RFX3: variants seen among roughly 807,000 people sequenced by gnomAD.
The protein encoded by RFX3 is regulatory factor X3.
RFX3 carries 14 observed loss-of-function variants against 98.6 expected under a neutral mutation model. The observed-to-expected ratio is 0.14, with a 90% confidence interval of 0.09 to 0.22. The LOEUF (loss-of-function observed/expected upper bound fraction) is 0.22. Ranked by LOEUF, RFX3 falls within the 10% of genes least tolerant of loss-of-function variation. The probability of loss-of-function intolerance (pLI) is 1.00; values close to 1 mark genes in which losing one functional copy is unlikely to be tolerated. For missense variants in RFX3, 639 were observed against 926.9 expected (o/e 0.69, Z 4.03); for synonymous variants, 383 against 328.4 (o/e 1.17, Z -1.80).
chr9:3,231,205 G>C (rs1207936798), intron 15 of RFX3, among the ~76,000 whole-genome samples: 1 of 152,112 alleles, frequency 6.6e-6, no homozygotes, highest in South Asian at 2.1e-4. Context: ...AGTTTCACAT[G>C]TACAGCAAAT....
At chr9:3,460,374 T>C (rs1847577270) in intron 1 of RFX3, among the ~76,000 whole-genome samples, 1 of 152,010 alleles carries the variant, frequency 6.6e-6, no homozygotes, top group Non-Finnish European at 1.5e-5. Flanking sequence ...CCTCAATCTA[T>C]GCATGGATGA....
chr9:3,406,218 C>T (rs1020594142), intron 1 of RFX3, among the ~76,000 whole-genome samples: 1 of 151,956 alleles, frequency 6.6e-6, no homozygotes, highest in Non-Finnish European at 1.5e-5. Flanking sequence ...CTGCCTCAGC[C>T]TCCCAAAATC....
intron 2 of RFX3, among the ~76,000 whole-genome samples, chr9:3,378,338 T>C (rs1332432854): frequency 6.6e-6 from 1 of 152,166 alleles, no homozygotes. Flanking sequence ...CTTGTCAATA[T>C]TATGAAGTTA....
chr9:3,427,616 A>G (rs1844239556), intron 1 of RFX3, among the ~76,000 whole-genome samples: 1 of 151,470 alleles, frequency 6.6e-6, no homozygotes, highest in African/African-American at 2.4e-5. Flanking sequence ...AACACCCTGA[A>G]TTTGTTTATG....
Position 3,249,820 on chromosome 9 carries a change from A to G in RFX3, c.1815-1635T>C, listed in dbSNP as rs148923356. The stretch of plus-strand genomic sequence containing the variant: ...ATGTGAAATCTTAAGAAAACTGCCA[A>G]TGTAACTATACTGTTACCTACATTA... On this transcript the variant is annotated intron_variant, in intron 14 of 16. Transcript: ENST00000617270. Among the ~76,000 whole-genome samples the G allele has an allele frequency of 1.6e-4, 25 of 152,198 alleles. No homozygotes were observed. The East Asian group carries it at 3.5e-3, about 21-fold the overall frequency.
chr9:3,337,170 G>A (rs904537042), intron 3 of RFX3, among the ~76,000 whole-genome samples: 2 of 152,088 alleles, frequency 1.3e-5, no homozygotes, highest in African/African-American at 2.4e-5. Flanking sequence ...ATGAGAAAAC[G>A]GAGTTGCAAT....
chr9:3,243,244 T>C (rs1299186131), intron 15 of RFX3, among the ~76,000 whole-genome samples: 1 of 151,508 alleles, frequency 6.6e-6, no homozygotes, highest in Non-Finnish European at 1.5e-5. Context: ...AGAAAGCTTG[T>C]GGACAAATTT....
rs979458691 is a variant in RFX3, at chr9:3,525,801, GGGAGGAGGAGGAGGAAGA to G, written c.-81_-64del. 2.0e-5 allele frequency: 13 copies of G among 651,178 alleles called. No homozygotes were observed. The highest frequency in any genetic ancestry group is 2.5e-5 in the Non-Finnish European group (13 of 524,126). The allele number at this position is 651,178 out of a possible 1,614,324, so 40.3% of individuals were successfully genotyped here. On this transcript the variant is annotated 5_prime_UTR_variant, in exon 1 of 17. Coordinates refer to ENST00000617270, the MANE Select transcript of RFX3 (RefSeq NM_001282116.2). The stretch of plus-strand genomic sequence containing the variant: ...GTGGGTGATGGAGATGGTGGTGGTG[GGGAGGAGGAGGAGGAAGA>G]GGAGGAGGAGGAGGAGAGGAGTAGT...
At chr9:3,261,266 A>T (rs1408961617) in intron 13 of RFX3, among the ~76,000 whole-genome samples, 2 of 152,088 alleles carry the variant, frequency 1.3e-5, no homozygotes, top group African/African-American at 4.8e-5. Flanking sequence ...TTTTCCTAAA[A>T]ATAAACCCCA....
intron 4 of RFX3, among the ~76,000 whole-genome samples, chr9:3,301,826 C>T (rs371934045): frequency 2.0e-5 from 3 of 151,814 alleles, no homozygotes; most frequent in Non-Finnish European, 4.4e-5. Flanking sequence ...AGCCCATTCA[C>T]AAAGTAAACC....
At chr9:3,442,351 C>A (rs1363620641) in intron 1 of RFX3, among the ~76,000 whole-genome samples, 1 of 151,658 alleles carries the variant, frequency 6.6e-6, no homozygotes, top group Non-Finnish European at 1.5e-5. Flanking sequence ...AAAATCAGAA[C>A]CCCTGTGTAA....
At chr9:3,353,805 T>C (rs1009965352) in intron 2 of RFX3, among the ~76,000 whole-genome samples, 1 of 151,896 alleles carries the variant, frequency 6.6e-6, no homozygotes, top group East Asian at 1.9e-4. Context: ...ATTAGACATA[T>C]AAAGAAGCAG....
At chr9:3,488,803 T>C (rs955108740) in intron 1 of RFX3, 1 of 985,220 alleles carries the variant, frequency 1.0e-6, no homozygotes, top group African/African-American at 1.7e-5. Flanking sequence ...AAATGGAGGT[T>C]ACAGCTTCAG....
Position 3,343,369 on chromosome 9 carries a change from G to A in RFX3, c.215+3298C>T, listed in dbSNP as rs149258069. On this transcript the variant is annotated intron_variant, in intron 3 of 16. Coordinates refer to ENST00000617270, the MANE Select transcript of RFX3 (RefSeq NM_001282116.2). The stretch of plus-strand genomic sequence containing the variant: ...ATCACACAGAAGTGGGACTCCGACT[G>A]TGATCCAAGTCAGGGATCAAACACT... Among the ~76,000 whole-genome samples the A allele has an allele frequency of 9.1e-3, 1,390 of 152,278 alleles. 10 individuals carry two copies. The highest frequency in any genetic ancestry group is 0.011 in the Non-Finnish European group (775 of 68,016).
At chr9:3,438,329 G>A (rs1211245419) in intron 1 of RFX3, among the ~76,000 whole-genome samples, 1 of 152,106 alleles carries the variant, frequency 6.6e-6, no homozygotes, top group East Asian at 1.9e-4. Context: ...TTAGACTTCA[G>A]TCTTGAAGAA....
At chr9:3,492,390 C>G (rs1188312455) in intron 1 of RFX3, among the ~76,000 whole-genome samples, 3 of 152,254 alleles carry the variant, frequency 2.0e-5, no homozygotes, top group Non-Finnish European at 2.9e-5. Context: ...CCTTGGGCCA[C>G]TCACTTTAGA....
chr9:3,513,115 T>C (rs1231630854), intron 1 of RFX3, among the ~76,000 whole-genome samples: 2 of 152,126 alleles, frequency 1.3e-5, no homozygotes. Flanking sequence ...CTGCACTAAA[T>C]ATACATTGAT....
intron 4 of RFX3, among the ~76,000 whole-genome samples, chr9:3,325,942 G>A (rs180907101): frequency 1.2e-3 from 186 of 152,226 alleles, no homozygotes; most frequent in Admixed American, 4.1e-3. Flanking sequence ...TCAGAATTAT[G>A]ACTGTAGCCA....
At chr9:3,341,986 G>C (rs377437525) in intron 3 of RFX3, among the ~76,000 whole-genome samples, 1 of 152,102 alleles carries the variant, frequency 6.6e-6, no homozygotes, top group Admixed American at 6.5e-5. Context: ...CACTTATAGA[G>C]GAAGAAAAGA....
Sources: gnomAD v4.1 joint callset for allele counts (sites outside exome capture counted in the v4.1 genomes callset) on GRCh38, gnomAD v4.1.1 for gene constraint, MANE v1.5 for transcripts, NCBI Gene and HGNC (gene_info 2026-07-23, HGNC 2026-07-21) for gene names.